The following PROS1 variants were observed in gnomAD, a reference collection of about 807,000 sequenced individuals.
PROS1 encodes the protein protein S.
A neutral mutation model predicts 75.9 loss-of-function variants in PROS1; 29 were observed. The ratio of observed to expected loss-of-function variants is 0.38; its 90% CI spans 0.28 to 0.52. The LOEUF is 0.52. Ranked by LOEUF, PROS1 falls within the 20% of genes least tolerant of loss-of-function variation. PROS1 has a pLI of 0.83. For missense variants in PROS1, 680 were observed against 810.3 expected, an observed-to-expected ratio of 0.84 and a Z score of 1.95; for synonymous variants, 245 against 280.6, an observed-to-expected ratio of 0.87 and a Z score of 1.27.
intron 1 of PROS1, among the ~76,000 whole-genome samples, chr3:93,930,773 G>T (rs559708425): frequency 6.6e-6 from 1 of 152,186 alleles, no homozygotes; most frequent in South Asian, 2.1e-4. Context: ...TGAAACTCAG[G>T]TAAAAAGCAT....
At chr3:93,877,864 A>G (rs1164581649) in intron 13 of PROS1, among the ~76,000 whole-genome samples, 1 of 152,232 alleles carries the variant, frequency 6.6e-6, no homozygotes, top group Non-Finnish European at 1.5e-5. Flanking sequence ...TAAAAACATA[A>G]TCAGAAATGT....
chr3:93,927,913 GTATA>G lies in PROS1; in HGVS notation c.77-510_77-507del, dbSNP rs1196387935. Among the ~76,000 whole-genome samples the G allele has an allele frequency of 2.3e-5, 3 of 128,328 alleles. No homozygotes were observed. In the East Asian group the frequency reaches 6.7e-4, roughly 29 times the overall value. The allele number at this position is 128,328 out of a possible 152,430, so 84.2% of individuals were successfully genotyped here. ...TATATATATATATGTGTGTGTGTGTGTATATATATATGTGTATATATATATGTAT... is the reference window on the plus strand; with the variant it reads ...TATATATATATATGTGTGTGTGTGTGTATATATGTGTATATATATATGTAT... On this transcript the variant is annotated intron_variant, in intron 1 of 14. Coordinates refer to ENST00000394236, the MANE Select transcript of PROS1 (RefSeq NM_000313.4).
intron 1 of PROS1, chr3:93,968,123 T>C (rs1709817585): frequency 6.6e-6 from 1 of 152,206 alleles, no homozygotes; most frequent in Non-Finnish European, 1.5e-5. Flanking sequence ...GTTTAATGAC[T>C]GCTATGGCTG....
In PROS1 at chr3:93,886,432, T is replaced by C; in HGVS notation, c.1227A>G (p.Lys409=). 1 of 1,613,228 alleles carries C rather than the reference T, an allele frequency of 6.2e-7. No individual in the cohort carries two copies. The highest frequency in any genetic ancestry group is 8.5e-7 in the Non-Finnish European group (1 of 1,179,290). ...TTTCCGGCTTAAAAAGGGGTCCAGGTTTATTTATATCCATCACAGCTTCTT... is the reference window on the plus strand; with the variant it reads ...TTTCCGGCTTAAAAAGGGGTCCAGGCTTATTTATATCCATCACAGCTTCTT... The part of the protein sequence containing the change: ...IAKEAVMDIN[K]PGPLFKPENG... Residue 409 remains lysine (K), a synonymous_variant, in exon 11 of 15, where the codon AAA becomes AAG. Transcript: ENST00000394236.
intron 1 of PROS1, among the ~76,000 whole-genome samples, chr3:93,959,585 A>G (rs1177626919): frequency 4.6e-5 from 7 of 152,222 alleles, no homozygotes; most frequent in African/African-American, 1.7e-4. Flanking sequence ...AGATTGTCTC[A>G]AACTTTAAAT....
chr3:93,947,912 T>G (rs1289122479), intron 1 of PROS1, among the ~76,000 whole-genome samples: 1 of 152,150 alleles, frequency 6.6e-6, no homozygotes, highest in Non-Finnish European at 1.5e-5. Flanking sequence ...CCCCTTACCT[T>G]GGCATTGCCC....
intron 1 of PROS1, among the ~76,000 whole-genome samples, chr3:93,972,433 T>C (rs532271070): frequency 2.0e-5 from 3 of 152,348 alleles, no homozygotes; most frequent in Admixed American, 2.0e-4. Context: ...TATAATTTTC[T>C]AGAAATTTCC....
chr3:93,968,329 C>T (rs1376245729), intron 1 of PROS1, among the ~76,000 whole-genome samples: 1 of 152,106 alleles, frequency 6.6e-6, no homozygotes, highest in Admixed American at 6.5e-5. Context: ...GATGTGAAGA[C>T]ACAGGAATAA....
intron 6 of PROS1, among the ~76,000 whole-genome samples, chr3:93,903,828 AT>A (rs1447877933): frequency 1.3e-5 from 2 of 150,384 alleles, no homozygotes; most frequent in Admixed American, 1.3e-4. Context: ...TTTTTTTTTA[AT>A]TATACTCTAA....
rs556707757 is a variant in PROS1 at position 93,927,410 on chromosome 3, G to T, written c.77-3C>A. On this transcript the variant is annotated splice_polypyrimidine_tract_variant and splice_region_variant and intron_variant, in intron 1 of 14. Coordinates refer to ENST00000394236, the MANE Select transcript of PROS1 (RefSeq NM_000313.4). The stretch of plus-strand genomic sequence containing the variant: ...TGAAGCCTGTTGCTTTGACAAAACT[G>T]AAGGAAACAATCAGTTTATATGAAT... 22 of 1,613,824 alleles carry T rather than the reference G, an allele frequency of 1.4e-5. No homozygotes were observed. In the South Asian group the frequency reaches 2.2e-4, roughly 16 times the overall value.
chr3:93,885,670 G>A (rs1394270471), intron 11 of PROS1, among the ~76,000 whole-genome samples: 2 of 152,170 alleles, frequency 1.3e-5, no homozygotes, highest in African/African-American at 4.8e-5. Context: ...TTTCATAAAT[G>A]ATTGATACTT....
At chr3:93,893,239 T>A in intron 9 of PROS1, 117 bp from the exon 10 acceptor site, 2 of 964,016 alleles carry the variant, frequency 2.1e-6, no homozygotes, top group Non-Finnish European at 3.2e-6. Context: ...ATTATTTATT[T>A]CTTTTTCTGG....
At chr3:93,900,323 G>A (rs918788114) in intron 7 of PROS1, among the ~76,000 whole-genome samples, 2 of 152,122 alleles carry the variant, frequency 1.3e-5, no homozygotes, top group African/African-American at 4.8e-5. Context: ...TAATAGAACT[G>A]TGTCATTTTT....
intron 1 of PROS1, among the ~76,000 whole-genome samples, chr3:93,961,118 C>A (rs1234158444): frequency 2.6e-5 from 4 of 152,020 alleles, no homozygotes; most frequent in Non-Finnish European, 5.9e-5. Flanking sequence ...CTTGAATAGT[C>A]TTTGGATAGA....
intron 4 of PROS1, among the ~76,000 whole-genome samples, chr3:93,907,047 A>G (rs1350361530): frequency 6.6e-6 from 1 of 152,150 alleles, no homozygotes; most frequent in Non-Finnish European, 1.5e-5. Flanking sequence ...ACAGCTTCCT[A>G]GGTGGAAAAG....
chr3:93,964,252 C>A (rs183418036), intron 1 of PROS1, among the ~76,000 whole-genome samples: 1 of 152,062 alleles, frequency 6.6e-6, no homozygotes, highest in Non-Finnish European at 1.5e-5. Context: ...TTACTCCCTG[C>A]GGGGTTGGGC....
intron 2 of PROS1, among the ~76,000 whole-genome samples, chr3:93,925,415 A>G (rs574852577): frequency 1.3e-4 from 20 of 152,282 alleles, no homozygotes; most frequent in Non-Finnish European, 2.2e-4. Flanking sequence ...ATGTTGAGGC[A>G]TAAGTAGTAC....
intron 1 of PROS1, among the ~76,000 whole-genome samples, chr3:93,963,571 C>A (rs1448449816): frequency 6.6e-6 from 1 of 152,140 alleles, no homozygotes; most frequent in Admixed American, 6.5e-5. Flanking sequence ...ATAGGATCAC[C>A]ATTCTGCAGG....
intron 3 of PROS1, among the ~76,000 whole-genome samples, chr3:93,914,422 G>A (rs1372395362): frequency 6.6e-6 from 1 of 152,192 alleles, no homozygotes; most frequent in Non-Finnish European, 1.5e-5. Flanking sequence ...AGAGTGGTGG[G>A]TTGAGATGCA....
Sources: gnomAD v4.1 joint callset for allele counts (sites outside exome capture counted in the v4.1 genomes callset) on GRCh38, gnomAD v4.1.1 for gene constraint, MANE v1.5 for transcripts, NCBI Gene and HGNC (gene_info 2026-07-23, HGNC 2026-07-21) for gene names.